The following DISP1 variants were observed in gnomAD, a reference collection of about 807,000 sequenced individuals.
DISP1 encodes dispatched RND transporter family member 1.
Under a neutral mutation model 37.3 loss-of-function variants are expected in DISP1, and 30 were observed. The ratio of observed to expected loss-of-function variants is 0.80; its 90% confidence interval spans 0.60 to 1.09. The LOEUF is 1.09. Ranked by LOEUF, DISP1 falls within the 50% of genes least tolerant of loss-of-function variation. The probability of loss-of-function intolerance (pLI) is 0.00; values close to 1 mark genes in which losing one functional copy is unlikely to be tolerated. For synonymous variants in DISP1, 634 were observed against 690.2 expected, an observed-to-expected ratio of 0.92 and a Z score of 1.28; for missense variants, 1,598 against 1,879.5, an observed-to-expected ratio of 0.85 and a Z score of 2.77.
At chr1:222,841,121 C>T (rs1480609335) in intron 1 of DISP1, among the ~76,000 whole-genome samples, 1 of 152,138 alleles carries the variant, frequency 6.6e-6, no homozygotes, top group Non-Finnish European at 1.5e-5. Context: ...ATGACTAAAT[C>T]AGTGTGTATA....
intron 1 of DISP1, among the ~76,000 whole-genome samples, chr1:222,877,642 C>G (rs957652072): frequency 2.0e-5 from 3 of 152,178 alleles, no homozygotes; most frequent in African/African-American, 7.2e-5. Context: ...ATTGTCCTGC[C>G]TGTATATGAC....
At chr1:222,926,903 C>A (rs1673115886) in intron 1 of DISP1, among the ~76,000 whole-genome samples, 1 of 152,124 alleles carries the variant, frequency 6.6e-6, no homozygotes, top group East Asian at 1.9e-4. Context: ...TTGAGTGACT[C>A]ACGTTTTTCA....
intron 4 of DISP1, among the ~76,000 whole-genome samples, chr1:222,984,445 G>GAGAGAC (rs1245402299): frequency 7.2e-6 from 1 of 138,640 alleles, no homozygotes; most frequent in Admixed American, 7.3e-5. Context: ...TAGAGAGAGA[G>GAGAGAC]AGAGAGAGAG....
chr1:222,936,631 CATAT>C (rs1558339194), intron 2 of DISP1, among the ~76,000 whole-genome samples: 1 of 102,754 alleles, frequency 9.7e-6, no homozygotes, highest in African/African-American at 4.2e-5. Flanking sequence ...ATATATCTCT[CATAT>C]ATATGAGATA....
At chr1:222,818,729 A>C (rs1452547762) in intron 1 of DISP1, among the ~76,000 whole-genome samples, 1 of 152,192 alleles carries the variant, frequency 6.6e-6, no homozygotes, top group African/African-American at 2.4e-5. Flanking sequence ...TCCTACCAAC[A>C]TTACGGAAGG....
rs182036510 is a variant in DISP1, at chr1:223,002,280, A to G, written c.988-105A>G. The G allele has an allele frequency of 4.7e-4, 507 of 1,084,338 alleles. 1 individual carries two copies. The highest frequency in any genetic ancestry group is 2.1e-3 in the African/African-American group (137 of 64,798). 67.2% of individuals were successfully genotyped at this position (1,084,338 alleles called of 1,614,324 possible). ...AAGTGGATAATTATTTAGCTTTTGT[A>G]ACTTTCCCTGTCCCTCAAGATCACC... On this transcript the variant is annotated intron_variant, in intron 8 of 8. Transcript: ENST00000675850.
chr1:222,958,807 A>G lies in DISP1; in HGVS notation c.509+15475A>G, dbSNP rs966843338. 2.6e-5 allele frequency among the ~76,000 whole-genome samples: 4 copies of G among 152,286 alleles called. No individual in the cohort carries two copies. In the South Asian group the frequency reaches 8.3e-4, roughly 32 times the overall value. ...CATAAAGGTTTCAAAATGGGAAAAG[A>G]TGAACATTTTGAAGTCATATATTTC... On this transcript the variant is annotated intron_variant, in intron 3 of 8. Transcript: ENST00000675850.
chr1:222,980,594 C>G (rs910318826), intron 3 of DISP1, among the ~76,000 whole-genome samples: 1 of 152,124 alleles, frequency 6.6e-6, no homozygotes, highest in Non-Finnish European at 1.5e-5. Context: ...ACTGATCTGA[C>G]ATCCACAAAG....
At chr1:222,905,300 A>C (rs1276596743) in intron 1 of DISP1, among the ~76,000 whole-genome samples, 1 of 152,216 alleles carries the variant, frequency 6.6e-6, no homozygotes, top group Admixed American at 6.5e-5. Flanking sequence ...TGGTAAAAGA[A>C]TATGTCATGG....
At chr1:222,963,732 TG>T (rs891118149) in intron 3 of DISP1, among the ~76,000 whole-genome samples, 2 of 148,264 alleles carry the variant, frequency 1.3e-5, no homozygotes, top group South Asian at 2.2e-4. Context: ...ACATGGACAC[TG>T]GGGGGGAACA....
At chr1:222,988,248 T>C (rs1368375976) in intron 4 of DISP1, among the ~76,000 whole-genome samples, 2 of 152,200 alleles carry the variant, frequency 1.3e-5, no homozygotes, top group Non-Finnish European at 2.9e-5. Flanking sequence ...TAACTATAAA[T>C]AGGGCTAGGA....
At chr1:222,991,421 A>C in intron 5 of DISP1, 99 bp from the exon 6 acceptor site, 1 of 1,451,702 alleles carries the variant, frequency 6.9e-7, no homozygotes, top group East Asian at 2.3e-5. Context: ...TTCTGTTGAA[A>C]GCTATATATC....
At chr1:222,913,573 T>A (rs150558560) in intron 1 of DISP1, among the ~76,000 whole-genome samples, 128 of 152,190 alleles carry the variant, frequency 8.4e-4, no homozygotes, top group African/African-American at 2.7e-3. Flanking sequence ...TTTTTGTCTT[T>A]AAAAAAAGTT....
chr1:222,829,996 A>G (rs867290563), intron 1 of DISP1, among the ~76,000 whole-genome samples: 18 of 152,204 alleles, frequency 1.2e-4, no homozygotes, highest in Non-Finnish European at 1.2e-4. Flanking sequence ...GTTAGCACTG[A>G]TAGAAAAGAT....
intron 1 of DISP1, among the ~76,000 whole-genome samples, chr1:222,919,825 C>T (rs1558329499): frequency 6.6e-6 from 1 of 152,134 alleles, no homozygotes; most frequent in South Asian, 2.1e-4. Context: ...AAGGTTCTTT[C>T]CTTGCCAAAA....
At chr1:222,824,241 C>G (rs889237249) in intron 1 of DISP1, among the ~76,000 whole-genome samples, 1 of 152,072 alleles carries the variant, frequency 6.6e-6, no homozygotes, top group African/African-American at 2.4e-5. Flanking sequence ...GTTGAAAATG[C>G]CTCTAATGAT....
At chr1:222,889,931 A>G (rs1034759271) in intron 1 of DISP1, among the ~76,000 whole-genome samples, 1 of 152,142 alleles carries the variant, frequency 6.6e-6, no homozygotes, top group African/African-American at 2.4e-5. Flanking sequence ...TTTTATTGGC[A>G]TATGTTTCTA....
At chr1:222,828,144 A>G (rs749512968) in intron 1 of DISP1, among the ~76,000 whole-genome samples, 4 of 152,362 alleles carry the variant, frequency 2.6e-5, no homozygotes, top group Middle Eastern at 3.4e-3. Flanking sequence ...TTTTAAAAGC[A>G]GGTGACTTGT....
intron 1 of DISP1, among the ~76,000 whole-genome samples, chr1:222,815,564 T>C (rs1370913904): frequency 2.0e-5 from 3 of 152,122 alleles, no homozygotes; most frequent in Non-Finnish European, 2.9e-5. Flanking sequence ...CAGCCACCTA[T>C]TGGATGCTGA....
Sources: allele counts gnomAD v4.1 joint callset (sites outside exome capture counted in the v4.1 genomes callset), GRCh38; gene constraint gnomAD v4.1.1; transcripts MANE v1.5; gene names NCBI Gene and HGNC (gene_info 2026-07-23, HGNC 2026-07-21).